UNC79: variants seen among roughly 807,000 people sequenced by gnomAD.
UNC79 encodes unc-79 subunit of NALCN channel complex, also known as protein unc-79 homolog.
UNC79 carries 37 observed loss-of-function variants against 283.1 expected under a neutral mutation model. That is an observed-to-expected ratio of 0.13 (90% CI 0.10 to 0.17). The LOEUF (loss-of-function observed/expected upper bound fraction) is 0.17, where lower values mean the gene tolerates loss of function less well. Among genes scored for constraint, UNC79 ranks in the 10% least tolerant of loss-of-function variants. The pLI, the probability that UNC79 is intolerant of heterozygous loss-of-function variation, is 1.00. For synonymous variants in UNC79, 1,107 were observed against 1,200.2 expected (o/e 0.92, Z 1.61); for missense variants, 2,272 against 3,211.1 (o/e 0.71, Z 7.07).
chr14:93,669,118 A>G (rs1376868877), intron 40 of UNC79, among the ~76,000 whole-genome samples: 1 of 152,144 alleles, frequency 6.6e-6, no homozygotes, highest in Non-Finnish European at 1.5e-5. Context: ...AGTAGTAAAA[A>G]CAGGTAATTC....
intron 14 of UNC79, among the ~76,000 whole-genome samples, chr14:93,555,860 C>T (rs1355292940): frequency 2.0e-5 from 3 of 152,028 alleles, no homozygotes; most frequent in Non-Finnish European, 1.5e-5. Context: ...TTACTTAAAC[C>T]AAGGGAGAAA....
At chr14:93,636,818 G>A (rs2068546723) in intron 31 of UNC79, among the ~76,000 whole-genome samples, 1 of 152,056 alleles carries the variant, frequency 6.6e-6, no homozygotes, top group African/African-American at 2.4e-5. Context: ...TTTCCAGTGT[G>A]ACCTTTCTGG....
chr14:93,427,403 G>A (rs1475079562), upstream of UNC79, among the ~76,000 whole-genome samples: 1 of 152,096 alleles, frequency 6.6e-6, no homozygotes, highest in Non-Finnish European at 1.5e-5. Context: ...GATATGTATA[G>A]TGTGGTATTA....
At chr14:93,582,733 C>T (rs1286171361) in intron 20 of UNC79, among the ~76,000 whole-genome samples, 4 of 152,164 alleles carry the variant, frequency 2.6e-5, no homozygotes, top group East Asian at 1.9e-4. Context: ...AGGCTGAGCT[C>T]GAAGGCTACT....
rs74805071 is a variant in UNC79, at chr14:93,643,462, C to T, written c.5904-95C>T. The T allele has an allele frequency of 8.1e-3, 12,947 of 1,590,376 alleles. 805 individuals carry two copies. In the African/African-American group the frequency reaches 0.15, roughly 18 times the overall value. Reference sequence around the variant, plus strand: ...CCTGATCTCCTTTTGGAGACTTTTCCAAGACCTACTAAAAACAGCCGTGTG... The same window carrying T: ...CCTGATCTCCTTTTGGAGACTTTTCTAAGACCTACTAAAAACAGCCGTGTG... On this transcript the variant is annotated intron_variant, in intron 33 of 48. Coordinates refer to ENST00000555664, the Ensembl canonical transcript of UNC79.
chr14:93,667,865 A>G (rs1362657501), intron 40 of UNC79, among the ~76,000 whole-genome samples: 1 of 152,232 alleles, frequency 6.6e-6, no homozygotes, highest in Non-Finnish European at 1.5e-5. Context: ...AAATATTAGA[A>G]CATCTATTAA....
At chr14:93,343,405 T>C (rs1235482808) in intron 1 of UNC79, among the ~76,000 whole-genome samples, 1 of 152,242 alleles carries the variant, frequency 6.6e-6, no homozygotes, top group Non-Finnish European at 1.5e-5. Context: ...AGAACTTGAA[T>C]ATGTTTCCCA....
chr14:93,427,892 G>A (rs2055766788), upstream of UNC79, among the ~76,000 whole-genome samples: 1 of 152,134 alleles, frequency 6.6e-6, no homozygotes, highest in African/African-American at 2.4e-5. Context: ...TGATGAGACT[G>A]GGTAGTGGTA....
At chr14:93,400,290 T>A (rs952057385) in intron 1 of UNC79, among the ~76,000 whole-genome samples, 4 of 152,016 alleles carry the variant, frequency 2.6e-5, no homozygotes, top group Non-Finnish European at 5.9e-5. Context: ...AGTCAATCAA[T>A]GGCAGAGTCA....
intron 25 of UNC79, 95 bp downstream of exon 25, chr14:93,600,865 A>T: frequency 7.4e-7 from 1 of 1,351,370 alleles, no homozygotes. Flanking sequence ...TAATTCCTCT[A>T]CAGAGGATGC....
intron 1 of UNC79, among the ~76,000 whole-genome samples, chr14:93,406,773 T>G (rs1175640444): frequency 6.6e-6 from 1 of 152,194 alleles, no homozygotes; most frequent in Admixed American, 6.5e-5. Context: ...ACTGAAACTC[T>G]GCAACTTTTC....
intron 8 of UNC79, among the ~76,000 whole-genome samples, chr14:93,526,036 A>C (rs1199639563): frequency 6.6e-6 from 1 of 152,186 alleles, no homozygotes; most frequent in Non-Finnish European, 1.5e-5. Flanking sequence ...AATTATTTTA[A>C]AGGGAATAAT....
At chr14:93,371,750 A>T (rs2054454246) in intron 1 of UNC79, among the ~76,000 whole-genome samples, 1 of 152,100 alleles carries the variant, frequency 6.6e-6, no homozygotes, top group African/African-American at 2.4e-5. Flanking sequence ...CTGAGGCAGG[A>T]GAATGGCATG....
At chr14:93,677,124 G>C (rs977483525) in intron 41 of UNC79, among the ~76,000 whole-genome samples, 1 of 152,090 alleles carries the variant, frequency 6.6e-6, no homozygotes, top group African/African-American at 2.4e-5. Context: ...ACAAATCTTT[G>C]TTCTATAAAC....
chr14:93,669,207 A>C (rs1217186453), intron 40 of UNC79, among the ~76,000 whole-genome samples: 1 of 152,160 alleles, frequency 6.6e-6, no homozygotes, highest in East Asian at 1.9e-4. Flanking sequence ...AAACAAGATA[A>C]TTTGAACCTG....
intron 12 of UNC79, among the ~76,000 whole-genome samples, chr14:93,538,941 C>T (rs567835939): frequency 1.3e-5 from 2 of 151,668 alleles, no homozygotes; most frequent in East Asian, 2.0e-4. Flanking sequence ...CTTGCTCTGT[C>T]GCCCAGGCTG....
intron 43 of UNC79, among the ~76,000 whole-genome samples, chr14:93,687,420 C>A (rs542959658): frequency 2.0e-5 from 3 of 152,152 alleles, no homozygotes; most frequent in African/African-American, 7.2e-5. Flanking sequence ...TTTGAGAGAT[C>A]TGAGGAAGGC....
rs34406486 is a variant in UNC79, at chr14:93,404,486, T to TAAAAAAAA, written c.-350-63184_-350-63177dup. On this transcript the variant is annotated intron_variant, in intron 1 of 49. Coordinates refer to the UNC79 transcript ENST00000256339. ...GGCTGAATGACAGAGTGAGACCTTC[T>TAAAAAAAA]AAAAAAAATATATATATATATATAT... 4.3e-3 allele frequency among the ~76,000 whole-genome samples: 228 copies of TAAAAAAAA among 52,860 alleles called. 11 individuals are homozygous for TAAAAAAAA. The highest frequency in any genetic ancestry group is 0.013 in the Middle Eastern group (1 of 76). The allele number at this position is 52,860 out of a possible 152,430, so 34.7% of individuals were successfully genotyped here. A position where few individuals can be genotyped will look rare whatever the true frequency, so the allele number is the denominator to read the frequency against.
chr14:93,368,872 A>G (rs1326541616), intron 1 of UNC79, among the ~76,000 whole-genome samples: 3 of 152,242 alleles, frequency 2.0e-5, no homozygotes, highest in Non-Finnish European at 4.4e-5. Context: ...TGAAACAAAG[A>G]CTGAAAGCTG....
Sources: gnomAD v4.1 joint callset for allele counts (sites outside exome capture counted in the v4.1 genomes callset) on GRCh38, gnomAD v4.1.1 for gene constraint, MANE v1.5 for transcripts, NCBI Gene and HGNC (gene_info 2026-07-23, HGNC 2026-07-21) for gene names.